The following XRCC4 variants were observed in gnomAD, a reference collection of about 807,000 sequenced individuals.
The protein encoded by XRCC4 is X-ray repair cross complementing 4.
In XRCC4, 28 loss-of-function variants were observed where a neutral mutation model predicts 39.1. That is an observed-to-expected ratio of 0.72 (90% confidence interval 0.53 to 0.98). XRCC4 has a LOEUF of 0.98. Ranked by LOEUF, XRCC4 falls within the 50% of genes least tolerant of loss-of-function variation. The pLI, the probability that XRCC4 is intolerant of heterozygous loss-of-function variation, is 0.00. For synonymous variants in XRCC4, 123 were observed against 126.4 expected (o/e 0.97, Z 0.18); for missense variants, 350 against 376.4 (o/e 0.93, Z 0.58).
chr5:83,200,545 T>C (rs1006935908), intron 4 of XRCC4, among the ~76,000 whole-genome samples: 4 of 151,932 alleles, frequency 2.6e-5, no homozygotes, highest in Non-Finnish European at 5.9e-5. Flanking sequence ...ATTTTCACTT[T>C]GAATGTGTCA....
intron 7 of XRCC4, among the ~76,000 whole-genome samples, chr5:83,320,302 A>T (rs942662091): frequency 2.5e-4 from 37 of 150,186 alleles, no homozygotes; most frequent in Non-Finnish European, 4.3e-4. Context: ...GCACATGTAT[A>T]CATATGTAAC....
chr5:83,275,594 C>T (rs561083878), intron 7 of XRCC4, among the ~76,000 whole-genome samples: 20 of 152,256 alleles, frequency 1.3e-4, no homozygotes, highest in African/African-American at 4.6e-4. Context: ...CGCGCCCGGC[C>T]CAGGTTAGGT....
At chr5:83,344,559 C>T (rs1756865739) in intron 7 of XRCC4, among the ~76,000 whole-genome samples, 1 of 151,736 alleles carries the variant, frequency 6.6e-6, no homozygotes, top group Non-Finnish European at 1.5e-5. Flanking sequence ...GTGAGCCTTG[C>T]TCTTTTGCTC....
intron 7 of XRCC4, among the ~76,000 whole-genome samples, chr5:83,278,883 G>C (rs1236944517): frequency 1.3e-5 from 2 of 150,670 alleles, no homozygotes; most frequent in Non-Finnish European, 3.0e-5. Context: ...AGGTACGTAG[G>C]GGGCTGAGGC....
At chr5:83,094,088 A>C (rs1445149436) in intron 1 of XRCC4, among the ~76,000 whole-genome samples, 2 of 150,658 alleles carry the variant, frequency 1.3e-5, no homozygotes, top group Non-Finnish European at 1.5e-5. Context: ...GTTATCGTCA[A>C]CTCCTCTTTG....
chr5:83,132,399 C>A (rs1427969712), intron 3 of XRCC4, among the ~76,000 whole-genome samples: 1 of 152,060 alleles, frequency 6.6e-6, no homozygotes, highest in Non-Finnish European at 1.5e-5. Context: ...GTGACGTTGT[C>A]TGTATTTCCT....
intron 7 of XRCC4, among the ~76,000 whole-genome samples, chr5:83,273,484 G>T (rs1754213689): frequency 6.6e-6 from 1 of 152,090 alleles, no homozygotes; most frequent in South Asian, 2.1e-4. Context: ...TTTTAGTCAT[G>T]AAGTCTTTGC....
At chr5:83,354,054 T>C (rs1757160880), downstream of XRCC4, among the ~76,000 whole-genome samples, 2 of 152,160 alleles carry the variant, frequency 1.3e-5, no homozygotes. Flanking sequence ...CTGTTTAATA[T>C]CCATTCCTTC....
chr5:83,258,118 C>G (rs1009353448), intron 6 of XRCC4, among the ~76,000 whole-genome samples: 9 of 152,084 alleles, frequency 5.9e-5, no homozygotes, highest in African/African-American at 2.2e-4. Context: ...AGCACACCAC[C>G]GTGGCACTTG....
At chr5:83,092,695 A>G (rs1745482598) in intron 1 of XRCC4, among the ~76,000 whole-genome samples, 1 of 151,884 alleles carries the variant, frequency 6.6e-6, no homozygotes, top group Non-Finnish European at 1.5e-5. Context: ...TTAAGCTGCT[A>G]TCAGGTTAAA....
intron 2 of XRCC4, among the ~76,000 whole-genome samples, chr5:83,109,885 A>T (rs1746365351): frequency 6.6e-6 from 1 of 151,958 alleles, no homozygotes; most frequent in African/African-American, 2.4e-5. Context: ...TAATCTTTTA[A>T]AAAAACTACT....
At chr5:83,241,050 A>G (rs1412377774) in intron 6 of XRCC4, among the ~76,000 whole-genome samples, 1 of 152,122 alleles carries the variant, frequency 6.6e-6, no homozygotes, top group Admixed American at 6.5e-5. Context: ...AGCCTGGCGA[A>G]CATGGCAAAA....
intron 3 of XRCC4, among the ~76,000 whole-genome samples, chr5:83,146,441 T>G (rs1226276790): frequency 6.6e-6 from 1 of 152,192 alleles, no homozygotes; most frequent in Admixed American, 6.5e-5. Flanking sequence ...GTGGGGTCAT[T>G]AGCAGAAAAG....
chr5:83,298,615 A>G (rs1200459872), intron 7 of XRCC4, among the ~76,000 whole-genome samples: 1 of 151,460 alleles, frequency 6.6e-6, no homozygotes, highest in Non-Finnish European at 1.5e-5. Context: ...GTGTCCTTAC[A>G]TTTTAGAAAT....
chr5:83,289,335 T>A (rs1754836306), intron 7 of XRCC4, among the ~76,000 whole-genome samples: 1 of 151,954 alleles, frequency 6.6e-6, no homozygotes, highest in Non-Finnish European at 1.5e-5. Flanking sequence ...CTTGTAATTT[T>A]CTGTTGAAAG....
Position 83,303,145 on chromosome 5 carries a change from G to A in XRCC4, c.893+44468G>A, listed in dbSNP as rs138102669. Among the ~76,000 whole-genome samples, 1,092 of 151,224 alleles carry A rather than the reference G, an allele frequency of 7.2e-3. 8 individuals are homozygous for A. Among genetic ancestry groups the A allele is most frequent in the Non-Finnish European group, 9.6e-3 (651 of 67,800 alleles). On this transcript the variant is annotated intron_variant, in intron 7 of 7. Transcript: ENST00000396027. ...GGGGAATTGTTTGAACCTGGGAGGC[G>A]GAGGTTGCAGTGAGCCAAGATGGTG...
At chr5:83,183,254 T>G (rs1750280400) in intron 3 of XRCC4, among the ~76,000 whole-genome samples, 1 of 151,194 alleles carries the variant, frequency 6.6e-6, no homozygotes, top group Non-Finnish European at 1.5e-5. Flanking sequence ...TAATCTGGTG[T>G]GCTAGGTTCT....
chr5:83,322,317 A>C (rs1200272390), intron 7 of XRCC4, among the ~76,000 whole-genome samples: 1 of 152,056 alleles, frequency 6.6e-6, no homozygotes, highest in Non-Finnish European at 1.5e-5. Flanking sequence ...CTATGAACTC[A>C]CAATTTTCCA....
chr5:83,160,370 C>G (rs1330053558), intron 3 of XRCC4, among the ~76,000 whole-genome samples: 1 of 152,068 alleles, frequency 6.6e-6, no homozygotes, highest in East Asian at 1.9e-4. Flanking sequence ...CTCTTTGATG[C>G]ATCTATTATT....
Sources: gnomAD v4.1 joint callset for allele counts (sites outside exome capture counted in the v4.1 genomes callset) on GRCh38, gnomAD v4.1.1 for gene constraint, MANE v1.5 for transcripts, NCBI Gene and HGNC (gene_info 2026-07-23, HGNC 2026-07-21) for gene names.